TAOK3: variants seen among roughly 807,000 people sequenced by gnomAD.
TAOK3 encodes the protein TAO kinase 3, also known as serine/threonine-protein kinase TAO3.
TAOK3 carries 40 observed loss-of-function variants against 120.4 expected under a neutral mutation model. The observed-to-expected ratio is 0.33, with a 90% confidence interval of 0.26 to 0.43. The LOEUF is 0.43. Ranked by LOEUF, TAOK3 falls within the 20% of genes least tolerant of loss-of-function variation. The pLI is 1.00. For missense variants in TAOK3, 821 were observed against 1,112.1 expected (o/e 0.74, Z 3.72); for synonymous variants, 355 against 387.5 (o/e 0.92, Z 0.99).
intron 1 of TAOK3, among the ~76,000 whole-genome samples, chr12:118,299,898 T>C (rs1368931890): frequency 3.9e-5 from 6 of 152,164 alleles, no homozygotes; most frequent in Admixed American, 3.3e-4. Flanking sequence ...TACAATATAA[T>C]TGTACTCCTG....
Position 118,161,373 on chromosome 12 carries a change from A to G in TAOK3, c.2139+415T>C, listed in dbSNP as rs1014521718. 1.3e-5 allele frequency among the ~76,000 whole-genome samples: 2 copies of G among 151,904 alleles called. No homozygotes were observed. ...ATGACCATGACAGACATCACTAATA[A>G]ATGACACTCTTTCCTCCTAAGCTTG... is the stretch of plus-strand genomic sequence containing the variant. On this transcript the variant is annotated intron_variant, in intron 18 of 20. Coordinates refer to ENST00000392533, the MANE Select transcript of TAOK3 (RefSeq NM_016281.4). The surrounding 1 kb of genome is among the most constrained non-coding windows in gnomAD (Gnocchi z 4.5).
chr12:118,196,290 T>G (rs2037726579), intron 13 of TAOK3, among the ~76,000 whole-genome samples: 1 of 152,144 alleles, frequency 6.6e-6, no homozygotes, highest in African/African-American at 2.4e-5. Flanking sequence ...GCAGAGCAGT[T>G]AAGTGCAAGT....
intron 20 of TAOK3, 103 bp from the exon 21 acceptor site, chr12:118,151,261 TAGGC>T (rs2034390622): frequency 1.7e-6 from 2 of 1,156,956 alleles, no homozygotes; most frequent in East Asian, 5.1e-5. Context: ...CACACACACA[TAGGC>T]ACACACATGA....
chr12:118,246,328 A>G (rs1282070108), intron 3 of TAOK3: 2 of 1,603,010 alleles, frequency 1.2e-6, no homozygotes, highest in East Asian at 2.2e-5. Flanking sequence ...GAGGAGATCT[A>G]TCTCTTCTCC....
At chr12:118,334,663 C>A (rs956334509) in intron 1 of TAOK3, among the ~76,000 whole-genome samples, 5 of 151,442 alleles carry the variant, frequency 3.3e-5, no homozygotes, top group Non-Finnish European at 7.4e-5. Flanking sequence ...ATCATGAGGT[C>A]AGAAGTTTGA....
At chr12:118,326,276 A>G (rs937907665) in intron 1 of TAOK3, among the ~76,000 whole-genome samples, 2 of 152,184 alleles carry the variant, frequency 1.3e-5, no homozygotes, top group South Asian at 2.1e-4. Context: ...CCTTTCTCCA[A>G]TGTATTTTCT....
chr12:118,354,781 G>C (rs2045324608), intron 1 of TAOK3, among the ~76,000 whole-genome samples: 3 of 152,092 alleles, frequency 2.0e-5, no homozygotes, highest in African/African-American at 7.2e-5. Flanking sequence ...GACATGACTT[G>C]CTCCTCCTTG....
At chr12:118,247,808 C>G (rs3852531) in intron 3 of TAOK3, among the ~76,000 whole-genome samples, 11,260 of 152,242 alleles carry the variant, frequency 0.074, 519 homozygotes, top group Middle Eastern at 0.11. Context: ...AGCTACTGCT[C>G]CCAGCCTCAA....
intron 1 of TAOK3, among the ~76,000 whole-genome samples, chr12:118,301,964 A>C (rs550605855): frequency 6.6e-6 from 1 of 152,272 alleles, no homozygotes; most frequent in East Asian, 1.9e-4. Flanking sequence ...ATTCCTCTTT[A>C]ACTTTTGCAG....
intron 1 of TAOK3, among the ~76,000 whole-genome samples, chr12:118,307,170 G>A (rs1007653924): frequency 6.6e-6 from 1 of 152,110 alleles, no homozygotes; most frequent in Non-Finnish European, 1.5e-5. Context: ...AAGCAATGAG[G>A]TTTTGAGCAC....
chr12:118,355,936 G>A (rs1207814346), intron 1 of TAOK3, among the ~76,000 whole-genome samples: 1 of 152,150 alleles, frequency 6.6e-6, no homozygotes, highest in Non-Finnish European at 1.5e-5. Flanking sequence ...AAGCTAGTAG[G>A]TGGCAGACAT....
intron 13 of TAOK3, among the ~76,000 whole-genome samples, chr12:118,196,050 A>AAAATAAATAAATAAATAAATAAAT (rs200676149): frequency 7.2e-6 from 1 of 138,140 alleles, no homozygotes; most frequent in African/African-American, 2.7e-5. Flanking sequence ...ACTCCATCTC[A>AAAATAAATAAATAAATAAATAAAT]AAATAAATAA....
At chr12:118,256,453 T>C (rs1039915848) in intron 2 of TAOK3, among the ~76,000 whole-genome samples, 5 of 152,120 alleles carry the variant, frequency 3.3e-5, no homozygotes, top group African/African-American at 1.2e-4. Flanking sequence ...CAAAAACTTG[T>C]GCACAAATGT....
chr12:118,349,181 G>A (rs755137383), intron 1 of TAOK3, among the ~76,000 whole-genome samples: 6 of 152,106 alleles, frequency 3.9e-5, no homozygotes, highest in South Asian at 2.1e-4. Context: ...ATGAGCCACC[G>A]CGCTGGCTGA....
At chr12:118,263,947 TC>T (rs1302831724) in intron 2 of TAOK3, among the ~76,000 whole-genome samples, 36 of 152,260 alleles carry the variant, frequency 2.4e-4, no homozygotes, top group African/African-American at 8.4e-4. Context: ...GCGCCTGTAA[TC>T]CCAGCTACTC....
chr12:118,235,807 G>A, intron 7 of TAOK3, 136 bp from the exon 8 acceptor site: 1 of 601,812 alleles, frequency 1.7e-6, no homozygotes, highest in Non-Finnish European at 2.9e-6. Flanking sequence ...TGCTCAGATA[G>A]CCAGAAGGAG....
Position 118,150,806 on chromosome 12 carries a change from C to A in TAOK3, c.*191G>T, listed in dbSNP as rs1372880905. The A allele has an allele frequency of 1.0e-5, 6 of 598,922 alleles. No individual in the cohort carries two copies. The highest frequency in any genetic ancestry group is 3.2e-5 in the Admixed American group (1 of 30,860). 37.1% of individuals were successfully genotyped at this position (598,922 alleles called of 1,614,324 possible). On this transcript the variant is annotated 3_prime_UTR_variant, in exon 21 of 21. Transcript: ENST00000392533. ...TTTTGGCCAGCACTGAAAGTTGACA[C>A]GGGGGGAGGAAGGGGGCCCCTGATG...
chr12:118,222,320 G>A (rs769586174), intron 9 of TAOK3, among the ~76,000 whole-genome samples: 2 of 152,106 alleles, frequency 1.3e-5, no homozygotes, highest in Non-Finnish European at 2.9e-5. Context: ...GGATCACGAG[G>A]TCAAGAGATC....
chr12:118,347,689 G>A (rs1302109347), intron 1 of TAOK3, among the ~76,000 whole-genome samples: 1 of 152,042 alleles, frequency 6.6e-6, no homozygotes, highest in Admixed American at 6.5e-5. Context: ...ACAAAATTCT[G>A]TGCTGAGCTT....
Sources: allele counts gnomAD v4.1 joint callset (sites outside exome capture counted in the v4.1 genomes callset), GRCh38; gene constraint gnomAD v4.1.1; non-coding constraint Gnocchi (gnomAD v3.1); transcripts MANE v1.5; gene names NCBI Gene and HGNC (gene_info 2026-07-23, HGNC 2026-07-21).